Variants in TBCE observed in about 807,000 individuals in gnomAD.
TBCE encodes the protein tubulin folding cofactor E, also known as tubulin-specific chaperone E.
In TBCE, 53 loss-of-function variants were observed where a neutral mutation model predicts 77.0. The ratio of observed to expected loss-of-function variants is 0.69; its 90% CI spans 0.55 to 0.87. TBCE has a LOEUF of 0.87. Ranked by LOEUF, TBCE falls within the 40% of genes least tolerant of loss-of-function variation. The probability of loss-of-function intolerance (pLI) is 0.00; values close to 1 mark genes in which losing one functional copy is unlikely to be tolerated. For missense variants in TBCE, 624 were observed against 622.4 expected (o/e 1.00, Z -0.03); for synonymous variants, 235 against 241.3 (o/e 0.97, Z 0.24).
intron 3 of TBCE, among the ~76,000 whole-genome samples, chr1:235,411,322 G>A (rs995384866): frequency 7.9e-5 from 12 of 152,188 alleles, no homozygotes; most frequent in African/African-American, 2.9e-4. Flanking sequence ...AGTCAAGTTT[G>A]ATTCCATAAA....
intron 2 of TBCE, among the ~76,000 whole-genome samples, chr1:235,393,788 T>C (rs1228475577): frequency 6.6e-6 from 1 of 152,146 alleles, no homozygotes; most frequent in Non-Finnish European, 1.5e-5. Flanking sequence ...AGCAAATAGA[T>C]ATATATGTAT....
intron 2 of TBCE, among the ~76,000 whole-genome samples, chr1:235,397,306 A>G (rs1678796455): frequency 6.8e-6 from 1 of 147,036 alleles, no homozygotes; most frequent in Admixed American, 7.1e-5. Context: ...GGTTCACGCC[A>G]TTCTCCTGCT....
rs1318601952 is a variant in TBCE, at chr1:235,448,882, G to A, written c.*120G>A. On this transcript the variant is annotated 3_prime_UTR_variant, in exon 17 of 17. Transcript: ENST00000642610. ...AAAGGGGGTTTACAACTTGTCCTAA[G>A]TATAACAAGGGATGTATTTTTTGTT... is the stretch of plus-strand genomic sequence containing the variant. 4 of 767,026 alleles carry A rather than the reference G, an allele frequency of 5.2e-6. No individual in the cohort carries two copies. In the East Asian group the frequency reaches 1.1e-4, roughly 21 times the overall value. The allele number at this position is 767,026 out of a possible 1,614,324, so 47.5% of individuals were successfully genotyped here.
At chr1:235,385,954 C>T (rs533647521) in intron 2 of TBCE, among the ~76,000 whole-genome samples, 1 of 152,266 alleles carries the variant, frequency 6.6e-6, no homozygotes, top group African/African-American at 2.4e-5. Context: ...GTGGCTGGTA[C>T]CAGTTGTTCC....
chr1:235,448,253 T>A, intron 15 of TBCE, 96 bp from the exon 16 acceptor site: 15 of 798,650 alleles, frequency 1.9e-5, no homozygotes, highest in Non-Finnish European at 2.9e-5. Flanking sequence ...CAGATACAGC[T>A]ATCATTGCAA....
At chr1:235,407,535 T>G (rs1449839648) in intron 3 of TBCE, among the ~76,000 whole-genome samples, 10 of 152,094 alleles carry the variant, frequency 6.6e-5, no homozygotes, top group Non-Finnish European at 1.5e-5. Context: ...GGCAGATTGT[T>G]TTAGTAGCTA....
At chr1:235,435,996 AT>A in intron 9 of TBCE, 156 bp downstream of exon 9, 1 of 703,074 alleles carries the variant, frequency 1.4e-6, no homozygotes, top group Non-Finnish European at 2.4e-6. Context: ...ATTTGAATTC[AT>A]TTAGAAAATT....
At chr1:235,435,715 C>T in intron 8 of TBCE, 30 bp from the exon 9 acceptor site, 1 of 1,581,294 alleles carries the variant, frequency 6.3e-7, no homozygotes, top group Non-Finnish European at 8.7e-7. Context: ...GAGATAAATT[C>T]ACGGTGAAAA....
At position 235,450,578 on chromosome 1, in the gene TBCE, G is replaced by C; in HGVS notation, c.*1816G>C. Reference sequence around the variant, plus strand: ...AAACAAGGCGGTGTGTGGATGAAGAGTTAGTCAACAAATGCCATTCCGTAA... The same window carrying C: ...AAACAAGGCGGTGTGTGGATGAAGACTTAGTCAACAAATGCCATTCCGTAA... On this transcript the variant is annotated 3_prime_UTR_variant, in exon 17 of 17. Coordinates refer to ENST00000642610, the MANE Select transcript of TBCE (RefSeq NM_003193.5). 1 of 474,516 alleles carries C rather than the reference G, an allele frequency of 2.1e-6. No homozygotes were observed. 29.4% of individuals were successfully genotyped at this position (474,516 alleles called of 1,614,324 possible). A position where few individuals can be genotyped will look rare whatever the true frequency, so the allele number is the denominator to read the frequency against.
chr1:235,373,636 T>A (rs201923308), intron 1 of TBCE, among the ~76,000 whole-genome samples: 2 of 40,542 alleles, frequency 4.9e-5, no homozygotes, highest in Non-Finnish European at 1.2e-4. Context: ...TTTTATTTAT[T>A]TTTATTTTTA....
rs577859683 is a variant in TBCE at position 235,412,089 on chromosome 1, C to T, written c.186-2344C>T. Among the ~76,000 whole-genome samples, 339 of 82,968 alleles carry T rather than the reference C, an allele frequency of 4.1e-3. 2 individuals carry two copies. The Middle Eastern group carries it at 0.05, about 12-fold the overall frequency. The allele number at this position is 82,968 out of a possible 152,430, so 54.4% of individuals were successfully genotyped here. On this transcript the variant is annotated intron_variant, in intron 3 of 16. Coordinates refer to ENST00000642610, the MANE Select transcript of TBCE (RefSeq NM_003193.5). ...TTGGCTTCCAGGACACCACACTCTC[C>T]AAGTTTCCCTTCCCATCCCTTTCCC...
chr1:235,437,360 A>G lies in TBCE; in HGVS notation c.1002A>G (p.Leu334=), dbSNP rs753485698. The G allele has an allele frequency of 8.7e-6, 14 of 1,614,156 alleles. No individual in the cohort carries two copies. In the East Asian group the frequency reaches 1.8e-4, roughly 21 times the overall value. ...FFNELEKLPS[L]RALSCLRNPL... The stretch of plus-strand genomic sequence containing the variant: ...ATGAGCTAGAGAAGTTACCAAGTCT[A>G]CGGGCTTTGTCCTGCCTAAGAAACC... Residue 334 remains leucine, a synonymous_variant, in exon 12 of 17, where the codon CTA becomes CTG. Transcript: ENST00000642610.
chr1:235,391,056 C>T (rs1572346205), intron 2 of TBCE, among the ~76,000 whole-genome samples: 2 of 151,984 alleles, frequency 1.3e-5, no homozygotes, highest in Non-Finnish European at 2.9e-5. Flanking sequence ...GGTTGGTCTT[C>T]GTTTCTGGGC....
At chr1:235,376,436 G>T (rs2102805686) in intron 1 of TBCE, among the ~76,000 whole-genome samples, 1 of 152,260 alleles carries the variant, frequency 6.6e-6, no homozygotes, top group Admixed American at 6.5e-5. Flanking sequence ...ATGGGGCCTT[G>T]TGAGTTTCTG....
intron 2 of TBCE, among the ~76,000 whole-genome samples, chr1:235,391,328 A>C (rs1393514520): frequency 1.3e-5 from 2 of 151,340 alleles, no homozygotes; most frequent in South Asian, 2.1e-4. Flanking sequence ...CTAACAGTAC[A>C]AAAAAAATTA....
intron 1 of TBCE, among the ~76,000 whole-genome samples, chr1:235,376,967 TAAAA>T (rs938542267): frequency 6.8e-6 from 1 of 146,798 alleles, no homozygotes; most frequent in African/African-American, 2.5e-5. Context: ...CCGTCTCAAT[TAAAA>T]AAAAAAAATC....
At chr1:235,439,088 C>A in intron 13 of TBCE, 166 bp downstream of exon 13, 3 of 889,898 alleles carry the variant, frequency 3.4e-6, no homozygotes, top group South Asian at 2.9e-5. Context: ...GGGGCGAGGG[C>A]GGCAGGGCAA....
intron 2 of TBCE, among the ~76,000 whole-genome samples, chr1:235,396,088 C>G (rs1678701879): frequency 6.6e-6 from 1 of 151,618 alleles, no homozygotes. Flanking sequence ...GAGACAGAGT[C>G]TCGCTTTGCC....
At chr1:235,395,071 T>A (rs1263576999) in intron 2 of TBCE, among the ~76,000 whole-genome samples, 3 of 152,240 alleles carry the variant, frequency 2.0e-5, no homozygotes, top group Admixed American at 2.0e-4. Flanking sequence ...ATTCTTCACC[T>A]ACTAAAGGAT....
Sources: gnomAD v4.1 joint callset for allele counts (sites outside exome capture counted in the v4.1 genomes callset) on GRCh38, gnomAD v4.1.1 for gene constraint, MANE v1.5 for transcripts, NCBI Gene and HGNC (gene_info 2026-07-23, HGNC 2026-07-21) for gene names.